Variants in PPP1R12B observed in about 807,000 individuals in gnomAD.
PPP1R12B encodes the protein myosin phosphatase target subunit 2.
In PPP1R12B, 76 loss-of-function variants were observed where a neutral mutation model predicts 126.1. The observed-to-expected ratio is 0.60, with a 90% confidence interval of 0.50 to 0.73. The LOEUF is 0.73. PPP1R12B is among the 30% of genes least tolerant of loss of function. The pLI, the probability that PPP1R12B is intolerant of heterozygous loss-of-function variation, is 0.00. For synonymous variants in PPP1R12B, 356 were observed against 434.7 expected (o/e 0.82, Z 2.25); for missense variants, 1,052 against 1,205.1 (o/e 0.87, Z 1.88).
rs560423254 is a variant in PPP1R12B, at chr1:202,562,558, T to G, written c.2508-220T>G. The G allele has an allele frequency of 5.7e-6, 4 of 707,526 alleles. No individual in the cohort carries two copies. In the East Asian group the frequency reaches 1.1e-4, roughly 20 times the overall value. The allele number at this position is 707,526 out of a possible 1,614,324, so 43.8% of individuals were successfully genotyped here. On this transcript the variant is annotated intron_variant, in intron 19 of 23. Coordinates refer to ENST00000608999, the MANE Select transcript of PPP1R12B (RefSeq NM_002481.4). The stretch of plus-strand genomic sequence containing the variant: ...ACTAATTTTTCAATAAGCTTCATTC[T>G]TGGCAAATGATGGTCAGCCTCCCTC...
Position 202,584,805 on chromosome 1 carries a change from G to A in PPP1R12B, c.*4245G>A, listed in dbSNP as rs1558406238. 1 of 152,210 alleles carries A rather than the reference G, an allele frequency of 6.6e-6. No individual in the cohort carries two copies. The allele number at this position is 152,210 out of a possible 1,614,324, so 9.4% of individuals were successfully genotyped here. A position where few individuals can be genotyped will look rare whatever the true frequency, so the allele number is the denominator to read the frequency against. ...TCAGCATTTAAGCAGAAAGAAAAGG[G>A]AAATTCTACTCTACCAGATGAGCCA... On this transcript the variant is annotated 3_prime_UTR_variant, in exon 24 of 24. Transcript: ENST00000608999.
chr1:202,543,602 A>C (rs192401385), intron 18 of PPP1R12B, among the ~76,000 whole-genome samples: 1 of 152,266 alleles, frequency 6.6e-6, no homozygotes, highest in Admixed American at 6.5e-5. Context: ...TTAGCTCGGC[A>C]TGGTGGCGGG....
intron 13 of PPP1R12B, among the ~76,000 whole-genome samples, chr1:202,468,596 TTAA>T (rs1448600763): frequency 6.6e-6 from 1 of 152,222 alleles, no homozygotes; most frequent in Non-Finnish European, 1.5e-5. Context: ...TTATCAGTAC[TTAA>T]TATGTCCAGC....
chr1:202,382,574 AG>A (rs1406669933), intron 1 of PPP1R12B, among the ~76,000 whole-genome samples: 62 of 151,152 alleles, frequency 4.1e-4, no homozygotes, highest in African/African-American at 1.4e-3. Flanking sequence ...TTTCTTTGAG[AG>A]CTTTAAAAAA....
chr1:202,386,983 A>C (rs1368225186), intron 1 of PPP1R12B, among the ~76,000 whole-genome samples: 3 of 152,204 alleles, frequency 2.0e-5, no homozygotes, highest in African/African-American at 4.8e-5. Context: ...ATTTTAGAAG[A>C]GCTTTTGTTC....
intron 18 of PPP1R12B, among the ~76,000 whole-genome samples, chr1:202,513,109 G>C (rs898846704): frequency 1.3e-5 from 2 of 152,166 alleles, no homozygotes; most frequent in Non-Finnish European, 2.9e-5. Flanking sequence ...AAGTAGCTGG[G>C]ATTATAGTCG....
intron 10 of PPP1R12B, chr1:202,438,539 G>A: frequency 2.4e-6 from 1 of 420,882 alleles, no homozygotes; most frequent in South Asian, 2.0e-5. Context: ...CCCCCGCTGG[G>A]CATGGGACAG....
At chr1:202,564,185 A>T (rs1687827973) in intron 20 of PPP1R12B, among the ~76,000 whole-genome samples, 1 of 152,232 alleles carries the variant, frequency 6.6e-6, no homozygotes, top group African/African-American at 2.4e-5. Flanking sequence ...AAGCAATGAA[A>T]ATGTCCCATA....
At chr1:202,405,431 A>C (rs1021953495) in intron 1 of PPP1R12B, among the ~76,000 whole-genome samples, 3 of 152,188 alleles carry the variant, frequency 2.0e-5, no homozygotes, top group Non-Finnish European at 4.4e-5. Context: ...ATATAGAACT[A>C]TATTTATGTT....
chr1:202,421,825 T>C (rs1267687974), intron 2 of PPP1R12B, among the ~76,000 whole-genome samples: 1 of 152,176 alleles, frequency 6.6e-6, no homozygotes, highest in Non-Finnish European at 1.5e-5. Context: ...TGACTTGATC[T>C]AAAGAAAAGA....
chr1:202,393,588 T>G (rs1664470553), intron 1 of PPP1R12B, among the ~76,000 whole-genome samples: 1 of 152,202 alleles, frequency 6.6e-6, no homozygotes, highest in Admixed American at 6.5e-5. Flanking sequence ...TGCAGATCAT[T>G]TGGCTCCTAA....
intron 1 of PPP1R12B, 144 bp from the exon 2 acceptor site, chr1:202,416,643 T>A (rs1668106494): frequency 1.6e-6 from 1 of 626,812 alleles, no homozygotes. Context: ...AGCCTAGAAG[T>A]CATGCTCTGG....
chr1:202,384,715 A>G (rs1238150204), intron 1 of PPP1R12B, among the ~76,000 whole-genome samples: 1 of 152,270 alleles, frequency 6.6e-6, no homozygotes, highest in Non-Finnish European at 1.5e-5. Context: ...TGTTGATTAC[A>G]TCTCAATGAA....
chr1:202,433,967 A>G lies in PPP1R12B; in HGVS notation c.1142-689A>G, dbSNP rs1379680283. On this transcript the variant is annotated intron_variant, in intron 8 of 23. Coordinates refer to ENST00000608999, the MANE Select transcript of PPP1R12B (RefSeq NM_002481.4). Reference sequence around the variant, plus strand: ...TAAATGTTTTTTGTTGAATATATCCAGTCAGGGAATAGAAAGGTGTATACA... The same window carrying G: ...TAAATGTTTTTTGTTGAATATATCCGGTCAGGGAATAGAAAGGTGTATACA... 4.6e-5 allele frequency among the ~76,000 whole-genome samples: 7 copies of G among 152,224 alleles called. No homozygotes were observed. In the East Asian group the frequency reaches 1.3e-3, roughly 29 times the overall value.
intron 1 of PPP1R12B, among the ~76,000 whole-genome samples, chr1:202,361,549 C>T (rs1320613178): frequency 2.0e-5 from 3 of 152,182 alleles, no homozygotes; most frequent in African/African-American, 7.2e-5. Flanking sequence ...CACACATTTC[C>T]CACCAGGCCC....
At chr1:202,467,802 G>A (rs1228510912) in intron 13 of PPP1R12B, among the ~76,000 whole-genome samples, 4 of 152,284 alleles carry the variant, frequency 2.6e-5, no homozygotes, top group Non-Finnish European at 4.4e-5. Context: ...TCACCACACC[G>A]ACTTCCACAA....
Position 202,495,460 on chromosome 1 carries a change from T to C in PPP1R12B, c.2313T>C (p.Thr771=). The C allele has an allele frequency of 6.2e-7, 1 of 1,607,244 alleles. No homozygotes were observed. The highest frequency in any genetic ancestry group is 1.1e-5 in the South Asian group (1 of 89,788). The change falls in exon 16 of 24, where the codon ACT becomes ACC. Residue 771 remains threonine, a synonymous_variant. Coordinates refer to ENST00000608999, the MANE Select transcript of PPP1R12B (RefSeq NM_002481.4). ...ESSETTTNTT[T]AKEMDKNENE... ...CAGAGACTACCACAAACACTACAAC[T>C]GCAAAGGAAATGGACAAAAATGGTA...
chr1:202,361,910 T>C (rs1480052043), intron 1 of PPP1R12B, among the ~76,000 whole-genome samples: 3 of 152,158 alleles, frequency 2.0e-5, no homozygotes, highest in African/African-American at 7.2e-5. Context: ...CATTGGGGCA[T>C]TCATATGGAG....
At chr1:202,505,554 C>T (rs1680713024) in intron 18 of PPP1R12B, among the ~76,000 whole-genome samples, 1 of 152,124 alleles carries the variant, frequency 6.6e-6, no homozygotes, top group African/African-American at 2.4e-5. Context: ...TTGCCATTCT[C>T]CTTTTAGGTA....
Sources: gnomAD v4.1 joint callset for allele counts (sites outside exome capture counted in the v4.1 genomes callset) on GRCh38, gnomAD v4.1.1 for gene constraint, MANE v1.5 for transcripts, NCBI Gene and HGNC (gene_info 2026-07-23, HGNC 2026-07-21) for gene names.